NUBPL: variants seen among roughly 807,000 people sequenced by gnomAD.
NUBPL encodes the protein iron-sulfur cluster transfer protein NUBPL.
NUBPL carries 31 observed loss-of-function variants against 45.7 expected under a neutral mutation model. That is an observed-to-expected ratio of 0.68 (90% confidence interval 0.51 to 0.92). NUBPL has a LOEUF of 0.92. NUBPL is among the 40% of genes least tolerant of loss of function. The pLI, the probability that NUBPL is intolerant of heterozygous loss-of-function variation, is 0.00. For missense variants in NUBPL, 401 were observed against 398.7 expected (o/e 1.01, Z -0.05); for synonymous variants, 144 against 140.9 (o/e 1.02, Z -0.15).
chr14:31,808,858 G>A (rs993171867), intron 7 of NUBPL, among the ~76,000 whole-genome samples: 33 of 152,142 alleles, frequency 2.2e-4, no homozygotes, highest in Admixed American at 2.6e-4. Flanking sequence ...GGCCTTTTCT[G>A]CATCTATTGA....
chr14:31,752,799 C>T lies in NUBPL; in HGVS notation c.514-34981C>T, dbSNP rs1327638331. Among the ~76,000 whole-genome samples, 3 of 152,160 alleles carry T rather than the reference C, an allele frequency of 2.0e-5. No individual in the cohort carries two copies. The East Asian group carries it at 5.8e-4, about 29-fold the overall frequency. ...TACTGCTAAAAAGAACTACCTAAGA[C>T]TGGATAATTAATGAAGAAAAAAGGT... On this transcript the variant is annotated intron_variant, in intron 6 of 10. Coordinates refer to ENST00000281081, the MANE Select transcript of NUBPL (RefSeq NM_025152.3).
chr14:31,849,679 T>C (rs138689513), intron 9 of NUBPL, among the ~76,000 whole-genome samples: 65 of 152,360 alleles, frequency 4.3e-4, no homozygotes, highest in African/African-American at 1.5e-3. Flanking sequence ...TCACTCCATT[T>C]GCCAACATCA....
chr14:31,830,801 T>C (rs569564015), intron 8 of NUBPL, among the ~76,000 whole-genome samples: 3 of 152,246 alleles, frequency 2.0e-5, no homozygotes, highest in African/African-American at 7.2e-5. Flanking sequence ...CATCTGCTGT[T>C]CCCTTTACCC....
chr14:31,680,842 T>C (rs781186078), intron 6 of NUBPL, among the ~76,000 whole-genome samples: 22 of 152,222 alleles, frequency 1.4e-4, no homozygotes, highest in Middle Eastern at 3.4e-3. Context: ...GATGTAACCA[T>C]CCAATTTTTT....
rs565938646 is a variant in NUBPL at position 31,647,026 on chromosome 14, TC to T, written c.383-26328del. 2.4e-3 allele frequency among the ~76,000 whole-genome samples: 365 copies of T among 152,324 alleles called. 4 individuals are homozygous for T. The highest frequency in any genetic ancestry group is 8.3e-3 in the African/African-American group (345 of 41,582). Reference sequence around the variant, plus strand: ...AATTTTTCACTTCAGCAAACATATTTCTCAGTTTCAAAATTTCTGCTTGATT... The same window carrying T: ...AATTTTTCACTTCAGCAAACATATTTTCAGTTTCAAAATTTCTGCTTGATT... On this transcript the variant is annotated intron_variant, in intron 4 of 10. Transcript: ENST00000281081.
At chr14:31,637,593 T>G (rs186111434) in intron 4 of NUBPL, among the ~76,000 whole-genome samples, 2 of 152,330 alleles carry the variant, frequency 1.3e-5, no homozygotes, top group African/African-American at 4.8e-5. Flanking sequence ...GTTCTGTAGA[T>G]GTCTGTTAGG....
intron 3 of NUBPL, among the ~76,000 whole-genome samples, chr14:31,570,237 T>A (rs1311250358): frequency 6.6e-6 from 1 of 152,176 alleles, no homozygotes; most frequent in Non-Finnish European, 1.5e-5. Flanking sequence ...GTGTCTATAT[T>A]TTTTTGGTAT....
At chr14:31,726,363 C>T (rs2037924706) in intron 6 of NUBPL, among the ~76,000 whole-genome samples, 1 of 152,116 alleles carries the variant, frequency 6.6e-6, no homozygotes, top group East Asian at 1.9e-4. Flanking sequence ...TTTTTTATGA[C>T]CCAAGAGAGC....
intron 7 of NUBPL, among the ~76,000 whole-genome samples, chr14:31,792,924 C>T (rs897544829): frequency 6.6e-6 from 1 of 152,162 alleles, no homozygotes; most frequent in Non-Finnish European, 1.5e-5. Context: ...AATTGCTGGC[C>T]TGGCTGAATC....
intron 4 of NUBPL, among the ~76,000 whole-genome samples, chr14:31,666,705 A>G (rs927915245): frequency 3.3e-5 from 5 of 152,014 alleles, no homozygotes; most frequent in Admixed American, 3.3e-4. Flanking sequence ...TTTCCTTTCC[A>G]TATTTAGTGC....
In NUBPL at chr14:31,730,678, G is replaced by A. The variant is rs539899941; in HGVS notation, c.514-57102G>A. Among the ~76,000 whole-genome samples the A allele has an allele frequency of 3.9e-5, 6 of 152,090 alleles. No homozygotes were observed. In the East Asian group the frequency reaches 1.2e-3, roughly 29 times the overall value. On this transcript the variant is annotated intron_variant, in intron 6 of 10. Transcript: ENST00000281081. ...AGACTGGGTTTCACCGTGTTAGCCA[G>A]GATGGTCTCGATCTCCTGACCTCAT... is the stretch of plus-strand genomic sequence containing the variant.
chr14:31,724,814 G>C (rs1459523412), intron 6 of NUBPL, among the ~76,000 whole-genome samples: 1 of 152,110 alleles, frequency 6.6e-6, no homozygotes, highest in African/African-American at 2.4e-5. Flanking sequence ...GTATAACATT[G>C]ATTAATGATC....
chr14:31,795,196 G>T (rs1441028011), intron 7 of NUBPL, among the ~76,000 whole-genome samples: 1 of 151,254 alleles, frequency 6.6e-6, no homozygotes, highest in Non-Finnish European at 1.5e-5. Context: ...TTTGGCTTAG[G>T]ATTGACTTGG....
chr14:31,700,377 G>A (rs1423914612), intron 6 of NUBPL, among the ~76,000 whole-genome samples: 3 of 152,168 alleles, frequency 2.0e-5, no homozygotes, highest in African/African-American at 7.2e-5. Context: ...AGTAGTGAGA[G>A]GTGACAGCGT....
rs144890085 is a variant in NUBPL, at chr14:31,852,045, A to G, written c.897+1844A>G. The stretch of plus-strand genomic sequence containing the variant: ...TTAGATTCTCGAAGGGGATCTCTGC[A>G]TGGCAGGAAGAGCACTAAATCTGAG... On this transcript the variant is annotated intron_variant, in intron 10 of 10. Coordinates refer to ENST00000281081, the MANE Select transcript of NUBPL (RefSeq NM_025152.3). Among the ~76,000 whole-genome samples, 1,006 of 152,338 alleles carry G rather than the reference A, an allele frequency of 6.6e-3. 17 individuals carry two copies. Among genetic ancestry groups the G allele is most frequent in the African/African-American group, 0.023 (947 of 41,580 alleles).
chr14:31,761,291 A>T (rs1022492578), intron 6 of NUBPL, among the ~76,000 whole-genome samples: 1 of 152,020 alleles, frequency 6.6e-6, no homozygotes, highest in Non-Finnish European at 1.5e-5. Context: ...GGCTCAAGTG[A>T]TTCTCCCACC....
At chr14:31,570,124 A>C (rs1373796817) in intron 3 of NUBPL, among the ~76,000 whole-genome samples, 1 of 152,236 alleles carries the variant, frequency 6.6e-6, no homozygotes, top group Admixed American at 6.5e-5. Context: ...AAAGAAGAAT[A>C]AACATATACT....
intron 6 of NUBPL, among the ~76,000 whole-genome samples, chr14:31,740,185 C>A (rs991887091): frequency 1.3e-5 from 2 of 152,172 alleles, no homozygotes; most frequent in Non-Finnish European, 2.9e-5. Context: ...AACATGATTA[C>A]TGGATCATAT....
At chr14:31,753,731 G>C (rs374885270) in intron 6 of NUBPL, among the ~76,000 whole-genome samples, 1 of 152,108 alleles carries the variant, frequency 6.6e-6, no homozygotes, top group Non-Finnish European at 1.5e-5. Flanking sequence ...TTCCTATCCC[G>C]GGCTCAGGGC....
Sources: gnomAD v4.1 joint callset for allele counts (sites outside exome capture counted in the v4.1 genomes callset) on GRCh38, gnomAD v4.1.1 for gene constraint, MANE v1.5 for transcripts, NCBI Gene and HGNC (gene_info 2026-07-23, HGNC 2026-07-21) for gene names.